Variants in SMAD2 observed in about 807,000 individuals in gnomAD.
The protein encoded by SMAD2 is MAD homolog 2.
A neutral mutation model predicts 64.4 loss-of-function variants in SMAD2; 8 were observed. That is an observed-to-expected ratio of 0.12 (90% CI 0.07 to 0.22). The LOEUF is 0.22. SMAD2 is among the 10% of genes least tolerant of loss of function. The pLI, the probability that SMAD2 is intolerant of heterozygous loss-of-function variation, is 1.00. For missense variants in SMAD2, 289 were observed against 561.2 expected, an observed-to-expected ratio of 0.51 and a Z score of 4.90; for synonymous variants, 203 against 195.8, an observed-to-expected ratio of 1.04 and a Z score of -0.31.
chr18:47,930,279 C>T (rs1379545742), intron 1 of SMAD2, 82 bp downstream of exon 1: 2 of 152,352 alleles, frequency 1.3e-5, no homozygotes, highest in Non-Finnish European at 2.9e-5. Context: ...CCGCAGCGGC[C>T]ATGTGACACG....
intron 6 of SMAD2, among the ~76,000 whole-genome samples, chr18:47,861,598 TTTAACACA>T (rs1265411985): frequency 6.6e-6 from 1 of 152,202 alleles, no homozygotes; most frequent in African/African-American, 2.4e-5. Context: ...TCAAAAACTG[TTTAACACA>T]TGGCAGAGAA....
intron 2 of SMAD2, among the ~76,000 whole-genome samples, chr18:47,894,752 T>G (rs951760166): frequency 2.0e-5 from 3 of 152,190 alleles, no homozygotes; most frequent in Non-Finnish European, 2.9e-5. Context: ...TACTAGGAAG[T>G]AAGTAGTTTA....
At position 47,839,450 on chromosome 18, in the gene SMAD2, C is replaced by T; in HGVS notation, c.*2377G>A. ...TTACCTAGGACATTTACTCTGCTCA[C>T]AAGATGGGTAGTGGAAGACATAATT... On this transcript the variant is annotated 3_prime_UTR_variant, in exon 11 of 11. Transcript: ENST00000262160. The T allele has an allele frequency of 4.3e-6, 1 of 233,318 alleles. No homozygotes were observed. The highest frequency in any genetic ancestry group is 6.0e-5 in the East Asian group (1 of 16,672). 14.5% of individuals were successfully genotyped at this position (233,318 alleles called of 1,614,324 possible).
At chr18:47,880,904 G>A (rs76787386) in intron 2 of SMAD2, among the ~76,000 whole-genome samples, 1 of 152,130 alleles carries the variant, frequency 6.6e-6, no homozygotes, top group East Asian at 1.9e-4. Context: ...TTTTGGCAAA[G>A]TTTGTAGGCA....
chr18:47,848,018 G>A (rs1177798890), intron 8 of SMAD2, among the ~76,000 whole-genome samples: 1 of 151,788 alleles, frequency 6.6e-6, no homozygotes, highest in African/African-American at 2.4e-5. Flanking sequence ...TCTTGTTTTA[G>A]ATATCTCATT....
At chr18:47,891,551 T>C (rs2033193909) in intron 2 of SMAD2, among the ~76,000 whole-genome samples, 2 of 151,574 alleles carry the variant, frequency 1.3e-5, no homozygotes, top group South Asian at 2.1e-4. Context: ...ACTCTCACTA[T>C]GTTGCCCGGT....
intron 1 of SMAD2, among the ~76,000 whole-genome samples, chr18:47,916,130 G>A (rs187549603): frequency 6.6e-6 from 1 of 152,098 alleles, no homozygotes; most frequent in Non-Finnish European, 1.5e-5. Flanking sequence ...ATTAGTCATG[G>A]TATTTTTGTT....
chr18:47,866,193 A>G (rs1039871220), intron 5 of SMAD2, among the ~76,000 whole-genome samples: 22 of 151,430 alleles, frequency 1.5e-4, no homozygotes, highest in African/African-American at 5.1e-4. Flanking sequence ...GTGCATCCCT[A>G]TAATTCCAGT....
rs1378593126 is a variant in SMAD2, at chr18:47,869,494, T to C, written c.327-58A>G. On this transcript the variant is annotated intron_variant, in intron 3 of 10. Coordinates refer to ENST00000262160, the MANE Select transcript of SMAD2 (RefSeq NM_005901.6). ...AACTTTAAAAAAAAAAAAAAAAAAG[T>C]GCAGTCAAATGGGCTAAATTAGTAC... The C allele has an allele frequency of 4.3e-6, 4 of 935,988 alleles. No homozygotes were observed. The East Asian group carries it at 1.0e-4, about 24-fold the overall frequency. 58.0% of individuals were successfully genotyped at this position (935,988 alleles called of 1,614,324 possible). A position where few individuals can be genotyped will look rare whatever the true frequency, so the allele number is the denominator to read the frequency against.
At chr18:47,922,945 T>C (rs2034620757) in intron 1 of SMAD2, among the ~76,000 whole-genome samples, 1 of 152,162 alleles carries the variant, frequency 6.6e-6, no homozygotes, top group Admixed American at 6.5e-5. Flanking sequence ...ATTCATGTGT[T>C]CAACTTTATG....
At chr18:47,888,972 C>T (rs916690150) in intron 2 of SMAD2, among the ~76,000 whole-genome samples, 7 of 151,840 alleles carry the variant, frequency 4.6e-5, no homozygotes, top group Non-Finnish European at 1.0e-4. Flanking sequence ...TCTATAATAT[C>T]AAAGGAACAT....
intron 2 of SMAD2, among the ~76,000 whole-genome samples, chr18:47,885,035 A>G (rs536652576): frequency 5.4e-4 from 82 of 152,284 alleles, no homozygotes; most frequent in Admixed American, 7.8e-4. Context: ...TTCCAAATAC[A>G]AACTTTTTAC....
chr18:47,849,007 C>A (rs1368807045), intron 7 of SMAD2, among the ~76,000 whole-genome samples: 3 of 152,058 alleles, frequency 2.0e-5, no homozygotes, highest in African/African-American at 7.2e-5. Flanking sequence ...CAATCATAGG[C>A]AAAGTCAGTC....
chr18:47,878,379 T>C (rs2032388226), intron 2 of SMAD2: 1 of 152,182 alleles, frequency 6.6e-6, no homozygotes, highest in Non-Finnish European at 1.5e-5. Flanking sequence ...TACAAAAGAC[T>C]GCAGAAAGCT....
intron 6 of SMAD2, chr18:47,853,167 T>C (rs1339122163): frequency 5.4e-6 from 1 of 185,176 alleles, no homozygotes; most frequent in East Asian, 1.7e-4. Context: ...CCATCTCTAC[T>C]GAAAACACAA....
At position 47,826,728 on chromosome 18, in the gene SMAD2, G is replaced by A. The variant is rs181475590; in HGVS notation, c.*15099C>T. ...TTTGCGGCAATAATTGCTCCAATATGTTCTATGTGACATTTCTGAGTTTAA... is the reference window on the plus strand; with the variant it reads ...TTTGCGGCAATAATTGCTCCAATATATTCTATGTGACATTTCTGAGTTTAA... On this transcript the variant is annotated 3_prime_UTR_variant, in exon 11 of 11. Transcript: ENST00000262160. 1 of 152,296 alleles carries A rather than the reference G, an allele frequency of 6.6e-6. No individual in the cohort carries two copies. Among genetic ancestry groups the A allele is most frequent in the Admixed American group, 6.5e-5 (1 of 15,304 alleles). The allele number at this position is 152,296 out of a possible 1,614,324, so 9.4% of individuals were successfully genotyped here. A position where few individuals can be genotyped will look rare whatever the true frequency, so the allele number is the denominator to read the frequency against.
chr18:47,881,400 TAGTA>T (rs1232001670), intron 2 of SMAD2, among the ~76,000 whole-genome samples: 15 of 152,240 alleles, frequency 9.9e-5, no homozygotes, highest in African/African-American at 3.4e-4. Context: ...TGTCTGCTGC[TAGTA>T]TTTACAAAAA....
chr18:47,891,495 G>A (rs1568089263), intron 2 of SMAD2, among the ~76,000 whole-genome samples: 1 of 148,964 alleles, frequency 6.7e-6, no homozygotes. Flanking sequence ...TTATGTACAT[G>A]CTACTTTATG....
rs1372836271 is a variant in SMAD2 at position 47,824,805 on chromosome 18, CAG to C, written c.*17020_*17021del. 1 of 152,178 alleles carries C rather than the reference CAG, an allele frequency of 6.6e-6. No homozygotes were observed. Among genetic ancestry groups the C allele is most frequent in the East Asian group, 1.9e-4 (1 of 5,202 alleles). The allele number at this position is 152,178 out of a possible 1,614,324, so 9.4% of individuals were successfully genotyped here. A position where few individuals can be genotyped will look rare whatever the true frequency, so the allele number is the denominator to read the frequency against. On this transcript the variant is annotated 3_prime_UTR_variant, in exon 11 of 11. Coordinates refer to ENST00000262160, the MANE Select transcript of SMAD2 (RefSeq NM_005901.6). ...ACCAAACTTAAATAGACTAATAACA[CAG>C]ATCTTCTGTGGTCCACAAATCATGG...
Sources: allele counts gnomAD v4.1 joint callset (sites outside exome capture counted in the v4.1 genomes callset), GRCh38; gene constraint gnomAD v4.1.1; transcripts MANE v1.5; gene names NCBI Gene and HGNC (gene_info 2026-07-23, HGNC 2026-07-21).